The following DPPA3 variants were observed in gnomAD, a reference collection of about 807,000 sequenced individuals.
DPPA3 encodes developmental pluripotency associated 3.
In DPPA3, 9 loss-of-function variants were observed where a neutral mutation model predicts 15.6. The observed-to-expected ratio is 0.58, with a 90% CI of 0.35 to 1.01. The LOEUF is 1.01. Among genes scored for constraint, DPPA3 ranks in the 50% least tolerant of loss-of-function variants. DPPA3 has a pLI of 0.02. For missense variants in DPPA3, 148 were observed against 194.6 expected (o/e 0.76, Z 1.42); for synonymous variants, 61 against 70.9 (o/e 0.86, Z 0.70).
chr12:7,716,416 CTTTA>C (rs1040255092), intron 3 of DPPA3, among the ~76,000 whole-genome samples, 177 bp downstream of exon 3: 3 of 151,898 alleles, frequency 2.0e-5, no homozygotes, highest in Non-Finnish European at 4.4e-5. Flanking sequence ...AAAATATATT[CTTTA>C]TTCTTTATTT....
chr12:7,716,105 C>A, intron 2 of DPPA3, 93 bp from the exon 3 acceptor site: 1 of 1,165,778 alleles, frequency 8.6e-7, no homozygotes, highest in Non-Finnish European at 1.2e-6. Flanking sequence ...CCTGTCTCAA[C>A]AAATTCCCTA....
intron 1 of DPPA3, 103 bp from the exon 2 acceptor site, chr12:7,715,080 A>G (rs1414264418): frequency 6.5e-7 from 1 of 1,545,384 alleles, no homozygotes; most frequent in Non-Finnish European, 8.8e-7. Flanking sequence ...ACCCTGAGGA[A>G]TTTCCCACAC....
chr12:7,715,285 G>T lies in DPPA3; in HGVS notation c.185G>T (p.Arg62Leu). The T allele has an allele frequency of 1.2e-6, 2 of 1,613,856 alleles. No homozygotes were observed. The highest frequency in any genetic ancestry group is 1.7e-5 in the Admixed American group (1 of 59,994). ...TCCCCTCTATCGGAAGCTTTACTCC[G>T]TCGAGAGTCTGTAGGAGCAGCAGTC... ...SVSPLSEALL[R>L]RESVGAAVLR... Residue 62 changes from arginine (R) to leucine (L), a missense_variant, in exon 2 of 4, where the codon CGT becomes CTT. Arg to Leu is a moderately radical substitution (Grantham distance 102). Transcript: ENST00000345088.
intron 3 of DPPA3, 36 bp downstream of exon 3, chr12:7,716,275 T>C: frequency 6.7e-7 from 1 of 1,488,384 alleles, no homozygotes; most frequent in African/African-American, 1.4e-5. Context: ...TTTCCTTTTT[T>C]TTTTTTGGCT....
chr12:7,716,086 GAGAA>G lies in DPPA3; in HGVS notation c.328-108_328-105del, dbSNP rs199813030. Reference sequence around the variant, plus strand: ...CCACTGCAATCCAGCCTGGGCAACAGAGAAAGACCCTGTCTCAACAAATTCCCTA... The same window carrying G: ...CCACTGCAATCCAGCCTGGGCAACAGAGACCCTGTCTCAACAAATTCCCTA... On this transcript the variant is annotated intron_variant, in intron 2 of 3. Coordinates refer to ENST00000345088, the MANE Select transcript of DPPA3 (RefSeq NM_199286.4). The G allele has an allele frequency of 1.2e-3, 1,156 of 953,124 alleles. 12 individuals are homozygous for G. In the African/African-American group the frequency reaches 0.017, roughly 14 times the overall value. The allele number at this position is 953,124 out of a possible 1,614,324, so 59.0% of individuals were successfully genotyped here.
At position 7,715,422 on chromosome 12, in the gene DPPA3, C is replaced by T. The variant is rs1476085353; in HGVS notation, c.322C>T (p.Arg108Cys). 2 of 1,613,790 alleles carry T rather than the reference C, an allele frequency of 1.2e-6. No individual in the cohort carries two copies. Among genetic ancestry groups the T allele is most frequent in the Admixed American group, 1.7e-5 (1 of 59,948 alleles). ...GAGATACATGTTACTCGGCGGAGTT[C>T]GTACGGTATGTTGATGTGATGTGGC... Reference protein sequence around the residue: ...RLRYMLLGGVRTHERRPTNKE... With the variant: ...RLRYMLLGGVCTHERRPTNKE... The change falls in exon 2 of 4, where the codon CGT (arginine) becomes TGT (cysteine). Residue 108 changes from arginine to cysteine, a missense_variant. Transcript: ENST00000345088.
At chr12:7,716,051 C>T in intron 2 of DPPA3, 147 bp from the exon 3 acceptor site, 1 of 691,286 alleles carries the variant, frequency 1.4e-6, no homozygotes, top group East Asian at 2.8e-5. Flanking sequence ...TGCAGTGAGC[C>T]ATGATTGCTC....
At chr12:7,711,676 G>A (rs777011042) in intron 1 of DPPA3, 24 bp downstream of exon 1, 6 of 1,455,490 alleles carry the variant, frequency 4.1e-6, no homozygotes, top group Non-Finnish European at 4.6e-6. Flanking sequence ...TGCCCTTCTT[G>A]ACTATCTGAC....
intron 2 of DPPA3, among the ~76,000 whole-genome samples, chr12:7,715,820 G>A (rs1364079323): frequency 6.6e-6 from 1 of 151,780 alleles, no homozygotes; most frequent in South Asian, 2.1e-4. Flanking sequence ...CCCAGCTCAC[G>A]TCTGTAATCC....
At chr12:7,713,375 C>G (rs954519307) in intron 1 of DPPA3, among the ~76,000 whole-genome samples, 1 of 152,208 alleles carries the variant, frequency 6.6e-6, no homozygotes, top group Non-Finnish European at 1.5e-5. Context: ...CCTTTCCTTG[C>G]GTCTGCCTTA....
intron 1 of DPPA3, among the ~76,000 whole-genome samples, chr12:7,713,554 G>T (rs1864368454): frequency 6.6e-6 from 1 of 152,166 alleles, no homozygotes; most frequent in African/African-American, 2.4e-5. Context: ...TATTGTATGA[G>T]ATATGCGTAT....
intron 1 of DPPA3, 31 bp downstream of exon 1, chr12:7,711,683 T>G (rs1319344537): frequency 6.4e-7 from 1 of 1,558,596 alleles, no homozygotes; most frequent in African/African-American, 1.4e-5. Flanking sequence ...CTTGACTATC[T>G]GACTATAGGG....
At chr12:7,716,914 C>T in intron 3 of DPPA3, 53 bp from the exon 4 acceptor site, 5 of 1,468,458 alleles carry the variant, frequency 3.4e-6, no homozygotes, top group Non-Finnish European at 4.8e-6. Context: ...GGGCTTATTA[C>T]ATTTCTCTGG....
intron 1 of DPPA3, among the ~76,000 whole-genome samples, chr12:7,712,534 G>A (rs1217055947): frequency 6.6e-6 from 1 of 151,992 alleles, no homozygotes; most frequent in African/African-American, 2.4e-5. Flanking sequence ...TGCAACCTCC[G>A]CCTCTCGGGT....
Position 7,717,094 on chromosome 12 carries a change from T to A in DPPA3, c.*17T>A, listed in dbSNP as rs774650399. ...CAGCCATAAATCTTATTCTTGCACC[T>A]TTTTTTCTTGGTAGTAATTTTATAT... is the stretch of plus-strand genomic sequence containing the variant. On this transcript the variant is annotated 3_prime_UTR_variant, in exon 4 of 4. Transcript: ENST00000345088. 1.2e-4 allele frequency: 180 copies of A among 1,511,884 alleles called. No homozygotes were observed. Among genetic ancestry groups the A allele is most frequent in the Non-Finnish European group, 1.4e-4 (155 of 1,094,400 alleles). The allele number at this position is 1,511,884 out of a possible 1,614,324, so 93.7% of individuals were successfully genotyped here.
chr12:7,713,156 A>C (rs1387233814), intron 1 of DPPA3, among the ~76,000 whole-genome samples: 1 of 152,206 alleles, frequency 6.6e-6, no homozygotes, highest in Non-Finnish European at 1.5e-5. Context: ...TATGACCCTG[A>C]CAGCGGGGCT....
At chr12:7,714,344 G>T (rs1864375373) in intron 1 of DPPA3, among the ~76,000 whole-genome samples, 1 of 152,162 alleles carries the variant, frequency 6.6e-6, no homozygotes, top group South Asian at 2.1e-4. Context: ...GTGCCACAGT[G>T]GGCCCTGCGA....
intron 2 of DPPA3, 63 bp from the exon 3 acceptor site, chr12:7,716,135 A>T: frequency 7.4e-7 from 1 of 1,352,428 alleles, no homozygotes; most frequent in Non-Finnish European, 1.0e-6. Context: ...CCTTATATAG[A>T]TGTGTAATAT....
At position 7,717,181 on chromosome 12, in the gene DPPA3, G is replaced by A. The variant is rs1864410815; in HGVS notation, c.*104G>A. 1.3e-6 allele frequency: 1 copy of A among 766,950 alleles called. No individual in the cohort carries two copies. The highest frequency in any genetic ancestry group is 2.2e-6 in the Non-Finnish European group (1 of 461,680). The allele number at this position is 766,950 out of a possible 1,614,324, so 47.5% of individuals were successfully genotyped here. On this transcript the variant is annotated 3_prime_UTR_variant, in exon 4 of 4. Transcript: ENST00000345088. ...TATACACCAATAATTTTGATAATGAGTTCTAGGATGTATTTTTCTTGTATC... is the reference window on the plus strand; with the variant it reads ...TATACACCAATAATTTTGATAATGAATTCTAGGATGTATTTTTCTTGTATC...
Sources: allele counts gnomAD v4.1 joint callset (sites outside exome capture counted in the v4.1 genomes callset), GRCh38; gene constraint gnomAD v4.1.1; transcripts MANE v1.5; gene names NCBI Gene and HGNC (gene_info 2026-07-23, HGNC 2026-07-21).